Variants in ANKRD12 observed in about 807,000 individuals in gnomAD.
ANKRD12 encodes the protein ankyrin repeat domain 12.
A neutral mutation model predicts 183.4 loss-of-function variants in ANKRD12; 85 were observed. The observed-to-expected ratio is 0.46, with a 90% CI of 0.39 to 0.56. The LOEUF (loss-of-function observed/expected upper bound fraction) is 0.56, where lower values mean the gene tolerates loss of function less well. ANKRD12 is among the 20% of genes least tolerant of loss of function. The pLI, the probability that ANKRD12 is intolerant of heterozygous loss-of-function variation, is 0.00. For synonymous variants in ANKRD12, 914 were observed against 800.2 expected (o/e 1.14, Z -2.40); for missense variants, 2,405 against 2,357.1 (o/e 1.02, Z -0.42).
chr18:9,154,953 G>C (rs967668663), intron 1 of ANKRD12, among the ~76,000 whole-genome samples: 21 of 152,156 alleles, frequency 1.4e-4, no homozygotes, highest in African/African-American at 5.1e-4. Context: ...GAAGGTCTAG[G>C]ACTAGAAATA....
At chr18:9,138,992 G>T (rs901421459) in intron 1 of ANKRD12, among the ~76,000 whole-genome samples, 3 of 152,150 alleles carry the variant, frequency 2.0e-5, no homozygotes, top group Non-Finnish European at 4.4e-5. Flanking sequence ...ACTTATGTAG[G>T]ATACTTTTAA....
intron 8 of ANKRD12, chr18:9,235,548 A>C: frequency 2.3e-6 from 1 of 434,324 alleles, no homozygotes; most frequent in South Asian, 1.7e-5. Context: ...AAAAGAATAT[A>C]CTATATACTT....
At chr18:9,239,565 C>G in intron 8 of ANKRD12, 1 of 1,264,634 alleles carries the variant, frequency 7.9e-7, no homozygotes, top group Non-Finnish European at 1.0e-6. Context: ...CAGTAAGTAT[C>G]ATATAAAGAT....
chr18:9,258,678 A>G lies in ANKRD12; in HGVS notation c.5411A>G (p.Gln1804Arg), dbSNP rs1186385906. The G allele has an allele frequency of 6.2e-7, 1 of 1,613,852 alleles. No individual in the cohort carries two copies. The highest frequency in any genetic ancestry group is 8.5e-7 in the Non-Finnish European group (1 of 1,179,912). Residue 1804 changes from glutamine (Q) to arginine (R), a missense_variant, in exon 9 of 13, where the codon CAA (glutamine) becomes CGA (arginine). Physicochemically the swap from Gln to Arg is conservative, Grantham distance 43. Transcript: ENST00000262126. ...GTGCAAGTGAGTCCCTCTTTACTAC[A>G]AGCAAAAGAGAAAACTCAGCAATCT... ...QPVQVSPSLL[Q>R]AKEKTQQSLA...
chr18:9,176,842 G>A (rs1207828097), intron 1 of ANKRD12, among the ~76,000 whole-genome samples: 1 of 151,890 alleles, frequency 6.6e-6, no homozygotes, highest in African/African-American at 2.4e-5. Context: ...TAAAAAAAAA[G>A]ACACCAAGAG....
intron 8 of ANKRD12, chr18:9,235,487 A>G (rs1039789951): frequency 8.9e-6 from 2 of 223,716 alleles, no homozygotes. Flanking sequence ...GCCATAGTTA[A>G]TATATCTCTA....
At position 9,167,886 on chromosome 18, in the gene ANKRD12, C is replaced by T. The variant is rs188971753; in HGVS notation, c.-51-14496C>T. Among the ~76,000 whole-genome samples the T allele has an allele frequency of 6.3e-3, 966 of 152,200 alleles. 6 individuals are homozygous for T. Among genetic ancestry groups the T allele is most frequent in the Middle Eastern group, 0.017 (5 of 294 alleles). On this transcript the variant is annotated intron_variant, in intron 1 of 12. Coordinates refer to ENST00000262126, the MANE Select transcript of ANKRD12 (RefSeq NM_015208.5). Reference sequence around the variant, plus strand: ...ACATAGCTCTTATTGTTTTGAGATACGTCCCATCAATACCTAATTTATTGA... The same window carrying T: ...ACATAGCTCTTATTGTTTTGAGATATGTCCCATCAATACCTAATTTATTGA...
At chr18:9,230,365 T>C (rs933482533) in intron 8 of ANKRD12, among the ~76,000 whole-genome samples, 2 of 152,134 alleles carry the variant, frequency 1.3e-5, no homozygotes, top group Non-Finnish European at 2.9e-5. Context: ...ATCTCCTTTC[T>C]TCTTAGTTAG....
At chr18:9,147,390 A>C (rs567355452) in intron 1 of ANKRD12, among the ~76,000 whole-genome samples, 5 of 152,304 alleles carry the variant, frequency 3.3e-5, no homozygotes, top group African/African-American at 1.2e-4. Context: ...AATATGTTGC[A>C]AAGATTGGCT....
At chr18:9,216,990 CTG>C (rs1215244296) in intron 7 of ANKRD12, 90 bp downstream of exon 7, 2 of 1,233,022 alleles carry the variant, frequency 1.6e-6, no homozygotes, top group Non-Finnish European at 2.3e-6. Flanking sequence ...GTCATATGAT[CTG>C]TGTCATATTC....
intron 1 of ANKRD12, among the ~76,000 whole-genome samples, chr18:9,163,938 T>C (rs188160321): frequency 1.3e-5 from 2 of 152,278 alleles, no homozygotes; most frequent in Admixed American, 6.5e-5. Flanking sequence ...GCCGAGACAA[T>C]GTGATTTTCT....
intron 1 of ANKRD12, among the ~76,000 whole-genome samples, chr18:9,170,657 C>T (rs1598442932): frequency 1.3e-5 from 2 of 152,048 alleles, no homozygotes; most frequent in African/African-American, 2.4e-5. Context: ...GTTTGAATTT[C>T]CTCTTGTAGC....
At position 9,280,926 on chromosome 18, in the gene ANKRD12, T is replaced by C. The variant is rs1172712639; in HGVS notation, c.6004-15T>C. The stretch of plus-strand genomic sequence containing the variant: ...TAACAGAATAATCAAGTAACTCTTC[T>C]CTTCTTTTAAATAGACCTGTCTTTT... On this transcript the variant is annotated splice_polypyrimidine_tract_variant and intron_variant, in intron 12 of 12. Coordinates refer to ENST00000262126, the MANE Select transcript of ANKRD12 (RefSeq NM_015208.5). The C allele has an allele frequency of 6.3e-7, 1 of 1,596,262 alleles. No individual in the cohort carries two copies. The highest frequency in any genetic ancestry group is 8.5e-7 in the Non-Finnish European group (1 of 1,175,614).
chr18:9,180,220 T>G (rs914287672), intron 1 of ANKRD12, among the ~76,000 whole-genome samples: 11 of 152,052 alleles, frequency 7.2e-5, no homozygotes, highest in Admixed American at 4.6e-4. Flanking sequence ...ATAATGTCCC[T>G]CTTCGTTCTG....
At position 9,284,083 on chromosome 18, in the gene ANKRD12, T is replaced by C. The variant is rs915384837; in HGVS notation, c.*2957T>C. 1.3e-5 allele frequency: 2 copies of C among 152,234 alleles called. No homozygotes were observed. Among genetic ancestry groups the C allele is most frequent in the Admixed American group, 6.5e-5 (1 of 15,280 alleles). 9.4% of individuals were successfully genotyped at this position (152,234 alleles called of 1,614,324 possible). A position where few individuals can be genotyped will look rare whatever the true frequency, so the allele number is the denominator to read the frequency against. On this transcript the variant is annotated 3_prime_UTR_variant, in exon 13 of 13. Transcript: ENST00000262126. ...TGCAATAGCATTATGTCTAAAAATA[T>C]GTACATAAGTTTAAAAATATTTTAT...
At chr18:9,173,921 C>T (rs1339963038) in intron 1 of ANKRD12, among the ~76,000 whole-genome samples, 3 of 152,304 alleles carry the variant, frequency 2.0e-5, no homozygotes, top group African/African-American at 4.8e-5. Context: ...TCAACTGAAC[C>T]GCAGAGACAT....
Position 9,187,848 on chromosome 18 carries a change from T to G in ANKRD12, c.87+5329T>G, listed in dbSNP as rs570724024. The stretch of plus-strand genomic sequence containing the variant: ...GAGGGGATATTAATTATTTTAACCA[T>G]CTGAATAGTTCTGTTATATCCTTTT... On this transcript the variant is annotated intron_variant, in intron 2 of 12. Transcript: ENST00000262126. Among the ~76,000 whole-genome samples the G allele has an allele frequency of 3.9e-5, 6 of 152,376 alleles. No individual in the cohort carries two copies. The South Asian group carries it at 1.2e-3, about 32-fold the overall frequency.
intron 3 of ANKRD12, among the ~76,000 whole-genome samples, chr18:9,199,788 G>A (rs769416641): frequency 2.6e-5 from 4 of 151,752 alleles, no homozygotes; most frequent in African/African-American, 4.8e-5. Flanking sequence ...GCATATGTAT[G>A]TTATTTTCTT....
rs144305712 is a variant in ANKRD12, at chr18:9,184,875, C to T, written c.87+2356C>T. 1.1e-4 allele frequency among the ~76,000 whole-genome samples: 16 copies of T among 152,064 alleles called. No homozygotes were observed. The East Asian group carries it at 3.1e-3, about 29-fold the overall frequency. The stretch of plus-strand genomic sequence containing the variant: ...TTAAATGTTATTATGAAGATACTGA[C>T]GTTGCAGATCTCCTCAGTTGATCTC... On this transcript the variant is annotated intron_variant, in intron 2 of 12. Coordinates refer to ENST00000262126, the MANE Select transcript of ANKRD12 (RefSeq NM_015208.5).
Sources: allele counts gnomAD v4.1 joint callset (sites outside exome capture counted in the v4.1 genomes callset), GRCh38; gene constraint gnomAD v4.1.1; transcripts MANE v1.5; gene names NCBI Gene and HGNC (gene_info 2026-07-23, HGNC 2026-07-21).